The following PAQR6 variants were observed in gnomAD, a reference collection of about 807,000 sequenced individuals.
PAQR6 encodes progestin and adipoQ receptor family member 6, also known as membrane progestin receptor delta.
Under a neutral mutation model 36.2 loss-of-function variants are expected in PAQR6, and 34 were observed. The observed-to-expected ratio is 0.94, with a 90% CI of 0.71 to 1.25. PAQR6 has a LOEUF of 1.25. PAQR6 is among the 50% of genes most tolerant of loss of function. The pLI is 0.00. For synonymous variants in PAQR6, 190 were observed against 190.7 expected, an observed-to-expected ratio of 1.00 and a Z score of 0.03; for missense variants, 431 against 445.7, an observed-to-expected ratio of 0.97 and a Z score of 0.30.
chr1:156,245,132 GCCTCCTTAC>G lies in PAQR6; in HGVS notation c.609+1_609+9del, dbSNP rs770229060. ...GCAGGAGTCTGGGCAGGGGCCCTAG[GCCTCCTTAC>G]CCGATAAAAGAGTGGGAGGTTGTCG... On this transcript the variant is annotated splice_donor_variant and splice_donor_5th_base_variant and intron_variant, in intron 6 of 7. Transcript: ENST00000292291. LOFTEE classifies it high-confidence loss of function. The G allele has an allele frequency of 1.8e-4, 285 of 1,612,424 alleles. No individual in the cohort carries two copies. Among genetic ancestry groups the G allele is most frequent in the Non-Finnish European group, 2.1e-4 (244 of 1,178,964 alleles).
In PAQR6 at chr1:156,245,795, G is replaced by T. The variant is rs1295445629; in HGVS notation, c.372C>A (p.Ser124Arg). 2 of 1,599,898 alleles carry T rather than the reference G, an allele frequency of 1.3e-6. No individual in the cohort carries two copies. The highest frequency in any genetic ancestry group is 1.7e-6 in the Non-Finnish European group (2 of 1,173,698). Residue 124 changes from serine to arginine, a missense_variant, in exon 4 of 8, where the codon AGC becomes AGA. By Grantham distance (110) the Ser-to-Arg change is moderately radical (BLOSUM62 -1). Coordinates refer to ENST00000292291, the MANE Select transcript of PAQR6 (RefSeq NM_198406.3). ...ICYFLDYGAL[S>R]LYSLGCAFPY... ...TGTCCGGCTCACCCAGACTGTAGAG[G>T]CTGAGCGCGCCGTAGTCGAGGAAGT...
At chr1:156,244,721 G>C in intron 7 of PAQR6, 40 bp downstream of exon 7, 1 of 1,613,686 alleles carries the variant, frequency 6.2e-7, no homozygotes, top group Admixed American at 1.7e-5. Context: ...GAAGGCATCT[G>C]CCCCTGCCTC....
chr1:156,245,296 G>C lies in PAQR6; in HGVS notation c.513-58C>G, dbSNP rs144710229. The C allele has an allele frequency of 6.4e-4, 976 of 1,523,468 alleles. 10 individuals carry two copies. The African/African-American group carries it at 0.012, about 19-fold the overall frequency. The allele number at this position is 1,523,468 out of a possible 1,614,324, so 94.4% of individuals were successfully genotyped here. On this transcript the variant is annotated intron_variant, in intron 5 of 7. Coordinates refer to ENST00000292291, the MANE Select transcript of PAQR6 (RefSeq NM_198406.3). ...CGCTGTGCTTGGGGTAGGGGTCAGA[G>C]AAAGGCAAGAGGACTTGGGCAAAGA... is the stretch of plus-strand genomic sequence containing the variant.
At position 156,243,707 on chromosome 1, in the gene PAQR6, C is replaced by G; in HGVS notation, c.*422G>C. ...GGGGGCAAGTGTGTGGCCTCTCGGC[C>G]TGGTTAGCAAGAAGCATTCAGGGTA... On this transcript the variant is annotated 3_prime_UTR_variant, in exon 8 of 8. Coordinates refer to ENST00000292291, the MANE Select transcript of PAQR6 (RefSeq NM_198406.3). 1.0e-6 allele frequency: 1 copy of G among 992,192 alleles called. No homozygotes were observed. Among genetic ancestry groups the G allele is most frequent in the Non-Finnish European group, 1.5e-6 (1 of 685,114 alleles). 61.5% of individuals were successfully genotyped at this position (992,192 alleles called of 1,614,324 possible). A position where few individuals can be genotyped will look rare whatever the true frequency, so the allele number is the denominator to read the frequency against.
chr1:156,244,573 T>G lies in PAQR6; in HGVS notation c.761-170A>C, dbSNP rs1659911377. The G allele has an allele frequency of 2.1e-6, 3 of 1,411,504 alleles. No homozygotes were observed. The African/African-American group carries it at 4.3e-5, about 20-fold the overall frequency. The allele number at this position is 1,411,504 out of a possible 1,614,324, so 87.4% of individuals were successfully genotyped here. On this transcript the variant is annotated intron_variant, in intron 7 of 7. Coordinates refer to ENST00000292291, the MANE Select transcript of PAQR6 (RefSeq NM_198406.3). ...GTGGCCCCAGCACACATGCTACTAG[T>G]TTTGCTACCTGAGAAGTGGCAGGTG...
intron 2 of PAQR6, 37 bp from the exon 3 acceptor site, chr1:156,246,287 C>A: frequency 6.4e-7 from 1 of 1,553,324 alleles, no homozygotes; most frequent in Non-Finnish European, 8.8e-7. Flanking sequence ...CGTCACTGTG[C>A]CCGGACCCTT....
Position 156,244,329 on chromosome 1 carries a change from T to C in PAQR6, c.835A>G (p.Met279Val), listed in dbSNP as rs778090079. 1 of 1,607,790 alleles carries C rather than the reference T, an allele frequency of 6.2e-7. No homozygotes were observed. The highest frequency in any genetic ancestry group is 1.7e-5 in the Admixed American group (1 of 59,320). Residue 279 changes from methionine (M) to valine (V), a missense_variant, in exon 8 of 8, where the codon ATG (methionine) becomes GTG (valine). Transcript: ENST00000292291. ...GCCAGCCAGGCTCTGCGTGATCCCA[T>C]ATCAGCCAGCACTGCCTCCAGCTGG... ...HFQLEAVLAD[M>V]GSRRAWLATQ... is the part of the protein sequence containing the mutation.
intron 1 of PAQR6, 112 bp downstream of exon 1, chr1:156,247,844 AG>A (rs1273551553): frequency 5.8e-6 from 2 of 344,338 alleles, no homozygotes; most frequent in African/African-American, 4.3e-5. Context: ...TAGGGTTTGG[AG>A]ATCTCTGGAG....
rs774352842 is a variant in PAQR6, at chr1:156,243,759, C to T, written c.*370G>A. ...GCCTAGGTTAGTCGTGTTAGTTCTT[C>T]CCTGTGCTGAGCAGAGACTTCCAGA... On this transcript the variant is annotated 3_prime_UTR_variant, in exon 8 of 8. Transcript: ENST00000292291. The T allele has an allele frequency of 1.2e-5, 17 of 1,395,714 alleles. No individual in the cohort carries two copies. Among genetic ancestry groups the T allele is most frequent in the South Asian group, 1.1e-4 (8 of 72,806 alleles). The allele number at this position is 1,395,714 out of a possible 1,614,324, so 86.5% of individuals were successfully genotyped here.
At chr1:156,245,437 T>TG in intron 5 of PAQR6, 98 bp downstream of exon 5, 1 of 1,538,070 alleles carries the variant, frequency 6.5e-7, no homozygotes, top group Admixed American at 1.8e-5. Context: ...CCTCAGTACA[T>TG]GGTCCCGATG....
At chr1:156,247,782 A>T (rs956269836) in intron 1 of PAQR6, 175 bp downstream of exon 1, 2 of 287,660 alleles carry the variant, frequency 7.0e-6, no homozygotes, top group Non-Finnish European at 1.5e-5. Flanking sequence ...CTGGGGGAGG[A>T]GTGAGGAATA....
intron 1 of PAQR6, among the ~76,000 whole-genome samples, chr1:156,247,356 C>T (rs1485831776): frequency 6.6e-6 from 1 of 152,226 alleles, no homozygotes; most frequent in Non-Finnish European, 1.5e-5. Flanking sequence ...TGTGCACTGC[C>T]TCCGGGTGGC....
Position 156,244,052 on chromosome 1 carries a change from T to G in PAQR6, c.*77A>C, listed in dbSNP as rs755823363. ...AGGCTGAGATGCGTCCCCACCTGAT[T>G]AGGCCCAAATCTGGGCTCCTCGTCA... On this transcript the variant is annotated 3_prime_UTR_variant, in exon 8 of 8. Coordinates refer to ENST00000292291, the MANE Select transcript of PAQR6 (RefSeq NM_198406.3). The G allele has an allele frequency of 1.2e-5, 19 of 1,613,936 alleles. No individual in the cohort carries two copies. The African/African-American group carries it at 2.0e-4, about 17-fold the overall frequency.
rs769455628 is a variant in PAQR6 at position 156,244,831 on chromosome 1, C to T, written c.690G>A (p.Ala230=). ...AGGCGAAGAGGAAGCCAGTGAGCAG[C>T]GCGCAGAAGAGATGGTAGCCATGGC... ...STSHGYHLFC[A]LLTGFLFASH... is the part of the protein sequence containing the mutation. The change falls in exon 7 of 8, where the codon GCG becomes GCA. Residue 230 remains alanine (A), a synonymous_variant. Coordinates refer to ENST00000292291, the MANE Select transcript of PAQR6 (RefSeq NM_198406.3). The T allele has an allele frequency of 6.8e-6, 11 of 1,613,572 alleles. No homozygotes were observed. The highest frequency in any genetic ancestry group is 3.3e-5 in the South Asian group (3 of 91,086).
Position 156,244,005 on chromosome 1 carries a change from C to CT in PAQR6, c.*123dup. ...CTCTGCCCTCTCTCCTGTGCCCTCT[C>CT]TCCTCAGCCCCTGTTGGTTCCAGGC... On this transcript the variant is annotated 3_prime_UTR_variant, in exon 8 of 8. Coordinates refer to ENST00000292291, the MANE Select transcript of PAQR6 (RefSeq NM_198406.3). 1 of 1,614,194 alleles carries CT rather than the reference C, an allele frequency of 6.2e-7. No homozygotes were observed. Among genetic ancestry groups the CT allele is most frequent in the South Asian group, 1.1e-5 (1 of 91,046 alleles).
At position 156,243,731 on chromosome 1, in the gene PAQR6, T is replaced by G; in HGVS notation, c.*398A>C. 8.6e-7 allele frequency: 1 copy of G among 1,157,438 alleles called. No homozygotes were observed. Among genetic ancestry groups the G allele is most frequent in the Admixed American group, 2.3e-5 (1 of 43,012 alleles). The allele number at this position is 1,157,438 out of a possible 1,614,324, so 71.7% of individuals were successfully genotyped here. ...CCTGGTTAGCAAGAAGCATTCAGGG[T>G]AGGCCTAGGTTAGTCGTGTTAGTTC... On this transcript the variant is annotated 3_prime_UTR_variant, in exon 8 of 8. Coordinates refer to ENST00000292291, the MANE Select transcript of PAQR6 (RefSeq NM_198406.3).
intron 4 of PAQR6, 45 bp downstream of exon 4, chr1:156,245,737 C>G (rs763971319): frequency 6.4e-7 from 1 of 1,570,840 alleles, no homozygotes. Flanking sequence ...CCTCGCCCCG[C>G]TCCGGGACGC....
chr1:156,248,005 C>T lies in PAQR6; in HGVS notation c.-74G>A. ...AGCTGGTGGGTCAACAGGCCCAGGG[C>T]TCCACGGGCGGAGTCCAAGGCTGCT... On this transcript the variant is annotated 5_prime_UTR_variant, in exon 1 of 8. Coordinates refer to ENST00000292291, the MANE Select transcript of PAQR6 (RefSeq NM_198406.3). The T allele has an allele frequency of 4.3e-6, 2 of 464,366 alleles. No homozygotes were observed. The highest frequency in any genetic ancestry group is 8.9e-6 in the Non-Finnish European group (2 of 223,774). 28.8% of individuals were successfully genotyped at this position (464,366 alleles called of 1,614,324 possible). A position where few individuals can be genotyped will look rare whatever the true frequency, so the allele number is the denominator to read the frequency against.
At chr1:156,247,775 G>T in intron 1 of PAQR6, 182 bp downstream of exon 1, 1 of 288,700 alleles carries the variant, frequency 3.5e-6, no homozygotes, top group Non-Finnish European at 7.2e-6. Context: ...CATCTATCTG[G>T]GGGAGGAGTG....
Sources: allele counts gnomAD v4.1 joint callset (sites outside exome capture counted in the v4.1 genomes callset), GRCh38; gene constraint gnomAD v4.1.1; transcripts MANE v1.5; gene names NCBI Gene and HGNC (gene_info 2026-07-23, HGNC 2026-07-21).